MBOAT1: variants seen among roughly 807,000 people sequenced by gnomAD.
The protein encoded by MBOAT1 is membrane-bound glycerophospholipid O-acyltransferase 1.
In MBOAT1, 67 loss-of-function variants were observed where a neutral mutation model predicts 64.4. The observed-to-expected ratio is 1.04, with a 90% CI of 0.85 to 1.27. The LOEUF (loss-of-function observed/expected upper bound fraction) is 1.27, where lower values mean the gene tolerates loss of function less well. MBOAT1 is among the 50% of genes most tolerant of loss of function. The probability of loss-of-function intolerance (pLI) is 0.00; values close to 1 mark genes in which losing one functional copy is unlikely to be tolerated. For missense variants in MBOAT1, 563 were observed against 604.6 expected (o/e 0.93, Z 0.72); for synonymous variants, 229 against 218.9 (o/e 1.05, Z -0.41).
chr6:20,193,015 T>C (rs1257772447), intron 1 of MBOAT1, among the ~76,000 whole-genome samples: 1 of 115,700 alleles, frequency 8.6e-6, no homozygotes, highest in Admixed American at 9.2e-5. Context: ...TTTTTTTTTT[T>C]TTTTTTTTGA....
chr6:20,203,617 C>A (rs970952903), intron 1 of MBOAT1, among the ~76,000 whole-genome samples: 1 of 152,058 alleles, frequency 6.6e-6, no homozygotes, highest in African/African-American at 2.4e-5. Context: ...TATTTAGTTC[C>A]TACTTTGTGC....
intron 12 of MBOAT1, among the ~76,000 whole-genome samples, chr6:20,108,356 T>G (rs1760021140): frequency 6.6e-6 from 1 of 152,152 alleles, no homozygotes; most frequent in Non-Finnish European, 1.5e-5. Flanking sequence ...CTGGCACCCC[T>G]TTGCATAGAA....
intron 1 of MBOAT1, among the ~76,000 whole-genome samples, chr6:20,195,692 T>C (rs7742851): frequency 0.58 from 88,284 of 151,908 alleles, 25,857 homozygotes; most frequent in Admixed American, 0.67. Context: ...TATGTAACCA[T>C]CTGTATCTAT....
chr6:20,207,725 A>G (rs1763304272), intron 1 of MBOAT1, among the ~76,000 whole-genome samples: 1 of 152,234 alleles, frequency 6.6e-6, no homozygotes, highest in Non-Finnish European at 1.5e-5. Context: ...CCAGCAAGAT[A>G]ACTAACAATA....
intron 3 of MBOAT1, among the ~76,000 whole-genome samples, chr6:20,147,584 A>G (rs1400606180): frequency 1.3e-5 from 2 of 152,030 alleles, no homozygotes; most frequent in Non-Finnish European, 2.9e-5. Context: ...GGTTGCAGTG[A>G]GCCAAGATTG....
chr6:20,121,911 T>C (rs1053827604), intron 8 of MBOAT1, among the ~76,000 whole-genome samples: 1 of 152,208 alleles, frequency 6.6e-6, no homozygotes, highest in Non-Finnish European at 1.5e-5. Context: ...ATGTCTGTAA[T>C]CTCAGCACTT....
rs1172331469 is a variant in MBOAT1 at position 20,131,171 on chromosome 6, T to C, written c.448A>G (p.Thr150Ala). 6.2e-7 allele frequency: 1 copy of C among 1,613,896 alleles called. No homozygotes were observed. The highest frequency in any genetic ancestry group is 8.5e-7 in the Non-Finnish European group (1 of 1,179,882). Residue 150 changes from threonine (T) to alanine (A), a missense_variant, in exon 5 of 13, where the codon ACA becomes GCA. Transcript: ENST00000324607. ...TCATGAACCTGGAATGCCAAGGTTG[T>C]GATCTTCTGAGTGACAATCATCAGA... ...GPLMIVTQKITTLAFQVHDGL... is the reference protein window; with the variant it reads ...GPLMIVTQKIATLAFQVHDGL...
Position 20,102,114 on chromosome 6 carries a change from C to CAAAA in MBOAT1, c.*168_*171dup, listed in dbSNP as rs58966886. ...TGGGCGACAGAGCGAGACTCCGTCTCAAAAAAAAAAAAAAAAAAAAAAAAA... is the reference window on the plus strand; with the variant it reads ...TGGGCGACAGAGCGAGACTCCGTCTCAAAAAAAAAAAAAAAAAAAAAAAAAAAAA... On this transcript the variant is annotated 3_prime_UTR_variant, in exon 13 of 13. Coordinates refer to ENST00000324607, the MANE Select transcript of MBOAT1 (RefSeq NM_001080480.3). 2.9e-3 allele frequency: 291 copies of CAAAA among 99,542 alleles called. 1 individual carries two copies. The highest frequency in any genetic ancestry group is 7.1e-3 in the African/African-American group (104 of 14,568). The allele number at this position is 99,542 out of a possible 1,614,324, so 6.2% of individuals were successfully genotyped here.
intron 8 of MBOAT1, among the ~76,000 whole-genome samples, chr6:20,123,655 A>T (rs1203457575): frequency 6.6e-6 from 1 of 152,214 alleles, no homozygotes; most frequent in Non-Finnish European, 1.5e-5. Flanking sequence ...AAGACATAAA[A>T]ACCTAACAAC....
chr6:20,161,197 G>A (rs777176025), intron 1 of MBOAT1, among the ~76,000 whole-genome samples: 2 of 152,000 alleles, frequency 1.3e-5, no homozygotes, highest in African/African-American at 2.4e-5. Context: ...AACCATGCAT[G>A]CCAGGGATGT....
chr6:20,174,627 G>A (rs1762290135), intron 1 of MBOAT1, among the ~76,000 whole-genome samples: 1 of 152,192 alleles, frequency 6.6e-6, no homozygotes, highest in African/African-American at 2.4e-5. Flanking sequence ...TGGTAGGTTT[G>A]TTTACACCAG....
At chr6:20,143,022 G>A (rs1238902033) in intron 4 of MBOAT1, among the ~76,000 whole-genome samples, 1 of 152,178 alleles carries the variant, frequency 6.6e-6, no homozygotes, top group Non-Finnish European at 1.5e-5. Context: ...AACTTGCAAA[G>A]TTCATGAGCC....
At chr6:20,138,367 C>A (rs1761065760) in intron 4 of MBOAT1, among the ~76,000 whole-genome samples, 1 of 152,054 alleles carries the variant, frequency 6.6e-6, no homozygotes, top group African/African-American at 2.4e-5. Flanking sequence ...TGGGTAACAT[C>A]AGAGATTTCT....
At chr6:20,149,846 A>G (rs73729908) in intron 3 of MBOAT1, among the ~76,000 whole-genome samples, 6,404 of 152,346 alleles carry the variant, frequency 0.042, 426 homozygotes, top group African/African-American at 0.14. Flanking sequence ...GCTAATAGTG[A>G]TTAATCAAAT....
chr6:20,188,970 G>T (rs1462150512), intron 1 of MBOAT1, among the ~76,000 whole-genome samples: 2 of 152,116 alleles, frequency 1.3e-5, no homozygotes, highest in African/African-American at 4.8e-5. Flanking sequence ...AGTTCCTGAG[G>T]GGTAGATTCC....
intron 1 of MBOAT1, among the ~76,000 whole-genome samples, chr6:20,173,814 G>T (rs1762267415): frequency 6.6e-6 from 1 of 152,184 alleles, no homozygotes; most frequent in South Asian, 2.1e-4. Context: ...AGCCAGGCAT[G>T]GTGGCAGGTG....
chr6:20,207,567 G>A (rs1763299101), intron 1 of MBOAT1, among the ~76,000 whole-genome samples: 1 of 151,876 alleles, frequency 6.6e-6, no homozygotes, highest in Admixed American at 6.6e-5. Context: ...ACATTTTAAA[G>A]GGTTAAAAAA....
chr6:20,154,904 G>A (rs1761631902), intron 1 of MBOAT1, among the ~76,000 whole-genome samples: 1 of 152,156 alleles, frequency 6.6e-6, no homozygotes, highest in Admixed American at 6.5e-5. Context: ...CAAATTCAAG[G>A]TGTGACACTG....
At chr6:20,184,931 T>C (rs1040814470) in intron 1 of MBOAT1, among the ~76,000 whole-genome samples, 1 of 142,354 alleles carries the variant, frequency 7.0e-6, no homozygotes, top group Non-Finnish European at 1.6e-5. Context: ...TAAATTTGAG[T>C]TCTCTGAAGA....
Sources: gnomAD v4.1 joint callset for allele counts (sites outside exome capture counted in the v4.1 genomes callset) on GRCh38, gnomAD v4.1.1 for gene constraint, MANE v1.5 for transcripts, NCBI Gene and HGNC (gene_info 2026-07-23, HGNC 2026-07-21) for gene names.